The following MDGA2 variants were observed in gnomAD, a reference collection of about 807,000 sequenced individuals.
MDGA2 encodes MAM domain-containing glycosylphosphatidylinositol anchor protein 2.
In MDGA2, 40 loss-of-function variants were observed where a neutral mutation model predicts 117.8. The observed-to-expected ratio is 0.34, with a 90% CI of 0.26 to 0.44. The LOEUF is 0.44. MDGA2 is among the 20% of genes least tolerant of loss of function. The pLI is 1.00. For missense variants in MDGA2, 1,123 were observed against 1,250.6 expected, an observed-to-expected ratio of 0.90 and a Z score of 1.54; for synonymous variants, 452 against 439.0, an observed-to-expected ratio of 1.03 and a Z score of -0.37.
chr14:47,302,794 A>T (rs1180652252), intron 1 of MDGA2, among the ~76,000 whole-genome samples: 1 of 152,186 alleles, frequency 6.6e-6, no homozygotes, highest in African/African-American at 2.4e-5. Flanking sequence ...ATAAATGCAC[A>T]GTCTACCCAT....
intron 5 of MDGA2, among the ~76,000 whole-genome samples, chr14:47,109,990 C>T (rs1369746964): frequency 6.6e-6 from 1 of 152,078 alleles, no homozygotes; most frequent in Non-Finnish European, 1.5e-5. Context: ...AACCTACAAA[C>T]ACTGTGAAAT....
At chr14:47,047,422 C>T (rs1467243504) in intron 7 of MDGA2, among the ~76,000 whole-genome samples, 1 of 151,994 alleles carries the variant, frequency 6.6e-6, no homozygotes, top group Non-Finnish European at 1.5e-5. Context: ...CCTCTAAACA[C>T]TTTGAATTTT....
intron 8 of MDGA2, among the ~76,000 whole-genome samples, chr14:46,990,807 T>A (rs924284695): frequency 6.6e-6 from 1 of 151,690 alleles, no homozygotes; most frequent in African/African-American, 2.4e-5. Flanking sequence ...CACAAAAAGG[T>A]ATAAACATCA....
intron 1 of MDGA2, among the ~76,000 whole-genome samples, chr14:47,505,667 GTTA>G (rs1357682549): frequency 6.6e-6 from 1 of 151,972 alleles, no homozygotes; most frequent in Non-Finnish European, 1.5e-5. Context: ...TTAGTTTTCA[GTTA>G]ACCCCCAAAT....
At chr14:47,043,974 C>T (rs531781240) in intron 7 of MDGA2, among the ~76,000 whole-genome samples, 6 of 152,152 alleles carry the variant, frequency 3.9e-5, no homozygotes, top group African/African-American at 9.6e-5. Context: ...CATGTCATGA[C>T]GAAATGTGCA....
intron 3 of MDGA2, among the ~76,000 whole-genome samples, chr14:47,159,268 G>GGTT (rs939603342): frequency 7.1e-4 from 108 of 152,126 alleles, no homozygotes; most frequent in African/African-American, 2.5e-3. Flanking sequence ...TAGTGGGAGG[G>GGTT]GTTGTGCATG....
chr14:47,537,046 G>A (rs1232676914), intron 1 of MDGA2, among the ~76,000 whole-genome samples: 1 of 152,080 alleles, frequency 6.6e-6, no homozygotes. Context: ...AAGAATGGCA[G>A]ACTTAACTGG....
intron 1 of MDGA2, among the ~76,000 whole-genome samples, chr14:47,531,632 T>C (rs1895103496): frequency 6.6e-6 from 1 of 150,638 alleles, no homozygotes. Flanking sequence ...ATGTTCACTG[T>C]TGTCATTCTA....
At chr14:47,127,002 AC>A (rs1881937228) in intron 5 of MDGA2, among the ~76,000 whole-genome samples, 2 of 152,194 alleles carry the variant, frequency 1.3e-5, no homozygotes, top group African/African-American at 4.8e-5. Flanking sequence ...TACCAAAAGT[AC>A]ATTGATTAGC....
intron 1 of MDGA2, among the ~76,000 whole-genome samples, chr14:47,596,708 C>A (rs1432325583): frequency 6.6e-6 from 1 of 152,170 alleles, no homozygotes; most frequent in Non-Finnish European, 1.5e-5. Flanking sequence ...GCTAATACTA[C>A]CTAAACATGT....
intron 4 of MDGA2, among the ~76,000 whole-genome samples, chr14:47,134,003 A>C (rs1454479338): frequency 6.6e-6 from 1 of 152,128 alleles, no homozygotes; most frequent in Non-Finnish European, 1.5e-5. Context: ...ATAATGGACA[A>C]AATAATTGTA....
intron 8 of MDGA2, among the ~76,000 whole-genome samples, chr14:47,016,147 T>C (rs1888074984): frequency 1.3e-5 from 2 of 152,114 alleles, no homozygotes; most frequent in African/African-American, 4.8e-5. Context: ...CAAGCTGTCC[T>C]GTGGATTCCA....
chr14:47,534,540 G>A (rs1895166966), intron 1 of MDGA2, among the ~76,000 whole-genome samples: 1 of 152,106 alleles, frequency 6.6e-6, no homozygotes, highest in African/African-American at 2.4e-5. Flanking sequence ...AGGAGAAACC[G>A]CCACTTACAA....
At chr14:47,169,275 T>A (rs1006761677) in intron 3 of MDGA2, among the ~76,000 whole-genome samples, 2 of 151,980 alleles carry the variant, frequency 1.3e-5, no homozygotes, top group African/African-American at 4.8e-5. Context: ...CCTTTCAGAA[T>A]ATTTTCTTTC....
rs35219016 is a variant in MDGA2 at position 47,166,033 on chromosome 14, C to CT, written c.596-21760dup. 5.8e-3 allele frequency among the ~76,000 whole-genome samples: 667 copies of CT among 115,478 alleles called. 10 individuals are homozygous for CT. The highest frequency in any genetic ancestry group is 0.017 in the African/African-American group (524 of 30,792). The allele number at this position is 115,478 out of a possible 152,430, so 75.8% of individuals were successfully genotyped here. ...CCCATTTTATAAGCAGCACTGTTTA[C>CT]TTTTTTTTTTTTTTTTTTTTTAGAC... On this transcript the variant is annotated intron_variant, in intron 3 of 16. Transcript: ENST00000399232.
intron 15 of MDGA2, among the ~76,000 whole-genome samples, chr14:46,848,844 T>C (rs1880946302): frequency 6.6e-6 from 1 of 151,936 alleles, no homozygotes; most frequent in African/African-American, 2.4e-5. Flanking sequence ...ACAACAAAAC[T>C]AGCAATCAAC....
intron 2 of MDGA2, among the ~76,000 whole-genome samples, chr14:47,247,367 T>A (rs934542464): frequency 7.3e-5 from 11 of 150,656 alleles, no homozygotes; most frequent in Non-Finnish European, 1.6e-4. Context: ...TGCAGTGGTG[T>A]GATCTCAGCT....
In MDGA2 at chr14:47,481,810, T is replaced by C. The variant is rs554384012; in HGVS notation, c.281-180260A>G. Among the ~76,000 whole-genome samples, 48 of 152,078 alleles carry C rather than the reference T, an allele frequency of 3.2e-4. No individual in the cohort carries two copies. In the South Asian group the frequency reaches 5.4e-3, roughly 17 times the overall value. ...ATTTCTCCATTGGTGAAAATTAAAA[T>C]GCTACAAAAAAATGCAGTTTTCACT... is the stretch of plus-strand genomic sequence containing the variant. On this transcript the variant is annotated intron_variant, in intron 1 of 16. Transcript: ENST00000399232.
At chr14:47,054,954 T>C (rs1889616494) in intron 7 of MDGA2, among the ~76,000 whole-genome samples, 1 of 151,608 alleles carries the variant, frequency 6.6e-6, no homozygotes, top group African/African-American at 2.4e-5. Flanking sequence ...ATCTAGCCAC[T>C]ATTCATAAAA....
Sources: gnomAD v4.1 joint callset for allele counts (sites outside exome capture counted in the v4.1 genomes callset) on GRCh38, gnomAD v4.1.1 for gene constraint, MANE v1.5 for transcripts, NCBI Gene and HGNC (gene_info 2026-07-23, HGNC 2026-07-21) for gene names.